The following ABHD6 variants were observed in gnomAD, a reference collection of about 807,000 sequenced individuals.
ABHD6 encodes the protein monoacylglycerol lipase ABHD6.
In ABHD6, 33 loss-of-function variants were observed where a neutral mutation model predicts 38.8. The observed-to-expected ratio is 0.85, with a 90% confidence interval of 0.64 to 1.14. The LOEUF (loss-of-function observed/expected upper bound fraction) is 1.14. ABHD6 is among the 50% of genes most tolerant of loss of function. The pLI, the probability that ABHD6 is intolerant of heterozygous loss-of-function variation, is 0.00. For missense variants in ABHD6, 380 were observed against 422.6 expected, an observed-to-expected ratio of 0.90 and a Z score of 0.88; for synonymous variants, 147 against 161.6, an observed-to-expected ratio of 0.91 and a Z score of 0.69.
At chr3:58,289,591 C>T (rs377765862) in intron 9 of ABHD6, among the ~76,000 whole-genome samples, 8 of 152,250 alleles carry the variant, frequency 5.3e-5, no homozygotes, top group African/African-American at 1.9e-4. Context: ...GCAGAAGAAT[C>T]TTTCTTAGTA....
chr3:58,278,399 T>C (rs1282127356), intron 7 of ABHD6, among the ~76,000 whole-genome samples: 3 of 152,230 alleles, frequency 2.0e-5, no homozygotes, highest in Admixed American at 1.3e-4. Context: ...GAGGTGTTTA[T>C]AGTATTCTCT....
chr3:58,244,099 C>A (rs1014368572), intron 1 of ABHD6, among the ~76,000 whole-genome samples: 2 of 152,184 alleles, frequency 1.3e-5, no homozygotes, highest in Non-Finnish European at 2.9e-5. Context: ...TTTGGCTCTG[C>A]GTCTCTGCCT....
At chr3:58,244,706 G>A (rs1559769437) in intron 1 of ABHD6, among the ~76,000 whole-genome samples, 1 of 151,916 alleles carries the variant, frequency 6.6e-6, no homozygotes, top group African/African-American at 2.4e-5. Context: ...CGAGGCTGCA[G>A]TGCGCCACTA....
At chr3:58,268,790 A>G (rs2097442769) in intron 4 of ABHD6, among the ~76,000 whole-genome samples, 1 of 152,242 alleles carries the variant, frequency 6.6e-6, no homozygotes, top group African/African-American at 2.4e-5. Context: ...ATCTAAATGG[A>G]AGAAGGTGTT....
chr3:58,281,927 T>A (rs2097453604), intron 7 of ABHD6, among the ~76,000 whole-genome samples: 1 of 151,778 alleles, frequency 6.6e-6, no homozygotes, highest in Non-Finnish European at 1.5e-5. Context: ...ACCAGCCTGG[T>A]CAACGTAGCG....
intron 6 of ABHD6, among the ~76,000 whole-genome samples, chr3:58,272,697 G>A (rs2097445908): frequency 1.3e-5 from 2 of 151,954 alleles, no homozygotes; most frequent in South Asian, 4.2e-4. Flanking sequence ...TTCAAGTATA[G>A]GTTCATTTGC....
chr3:58,247,356 G>A (rs987797148), intron 1 of ABHD6, among the ~76,000 whole-genome samples: 12 of 152,036 alleles, frequency 7.9e-5, no homozygotes, highest in African/African-American at 2.9e-4. Flanking sequence ...TGTGATAAGG[G>A]AAATGTTCTA....
At chr3:58,286,874 ATG>A (rs2097457788) in intron 9 of ABHD6, among the ~76,000 whole-genome samples, 12 of 134,778 alleles carry the variant, frequency 8.9e-5, no homozygotes, top group Non-Finnish European at 1.6e-4. Flanking sequence ...ATATATGTAT[ATG>A]TATATATAAG....
chr3:58,246,884 AG>A (rs368934040), intron 1 of ABHD6, among the ~76,000 whole-genome samples: 81 of 152,356 alleles, frequency 5.3e-4, no homozygotes, highest in African/African-American at 1.9e-3. Context: ...TGTGGGCAGT[AG>A]TCCGCCAGTC....
intron 9 of ABHD6, among the ~76,000 whole-genome samples, chr3:58,288,861 C>A (rs751157906): frequency 3.3e-5 from 5 of 152,274 alleles, no homozygotes; most frequent in Admixed American, 6.5e-5. Context: ...ATATTTTGTT[C>A]ATCATGTGCC....
chr3:58,290,017 C>T (rs1262976055), intron 9 of ABHD6, among the ~76,000 whole-genome samples: 12 of 139,300 alleles, frequency 8.6e-5, no homozygotes, highest in Admixed American at 5.5e-4. Flanking sequence ...CCCTCCCGGA[C>T]GGGGCGGCTG....
intron 3 of ABHD6, among the ~76,000 whole-genome samples, chr3:58,260,057 A>C (rs1271983815): frequency 6.6e-6 from 1 of 152,198 alleles, no homozygotes. Context: ...TCCATTGTGT[A>C]TATATACAGT....
At position 58,269,566 on chromosome 3, in the gene ABHD6, T is replaced by C; in HGVS notation, c.390+132T>C. The stretch of plus-strand genomic sequence containing the variant: ...TCCTGTACATTCTGTCTACAAGTGA[T>C]GGCAAGCCAAATGGCAACCTGATGA... On this transcript the variant is annotated intron_variant, in intron 5 of 9. Transcript: ENST00000478253. The surrounding 1 kb of genome is among the most constrained non-coding windows in gnomAD (Gnocchi z 4.4). The C allele has an allele frequency of 2.9e-6, 2 of 678,918 alleles. No individual in the cohort carries two copies. Among genetic ancestry groups the C allele is most frequent in the South Asian group, 2.0e-5 (1 of 50,870 alleles). 42.1% of individuals were successfully genotyped at this position (678,918 alleles called of 1,614,324 possible).
chr3:58,288,452 A>T (rs2097459094), intron 9 of ABHD6, among the ~76,000 whole-genome samples: 1 of 152,198 alleles, frequency 6.6e-6, no homozygotes, highest in African/African-American at 2.4e-5. Flanking sequence ...TGTTCAGTCC[A>T]TCAAAATGGG....
At chr3:58,291,334 T>C (rs931461423) in intron 9 of ABHD6, among the ~76,000 whole-genome samples, 2 of 151,590 alleles carry the variant, frequency 1.3e-5, no homozygotes, top group Non-Finnish European at 2.9e-5. Context: ...AGCAGTACAG[T>C]CCAGCTTCGG....
In ABHD6 at chr3:58,259,026, C is replaced by G. The variant is rs1166650506; in HGVS notation, c.119+2321C>G. Among the ~76,000 whole-genome samples the G allele has an allele frequency of 6.6e-6, 1 of 152,156 alleles. No individual in the cohort carries two copies. Among genetic ancestry groups the G allele is most frequent in the Non-Finnish European group, 1.5e-5 (1 of 68,038 alleles). On this transcript the variant is annotated intron_variant, in intron 3 of 9. Transcript: ENST00000478253. This position sits in a 1 kb window ranked among gnomAD's most constrained non-coding sequence, Gnocchi z 4.7. ...ACATGGAGAAGGCAGAGTTGCGTGC[C>G]CCTTCTCATGGCCTCGTCAAGGCAT... is the stretch of plus-strand genomic sequence containing the variant.
At chr3:58,278,742 C>G (rs928136795) in intron 7 of ABHD6, among the ~76,000 whole-genome samples, 4 of 152,278 alleles carry the variant, frequency 2.6e-5, no homozygotes, top group African/African-American at 9.6e-5. Flanking sequence ...GCATTTAGTG[C>G]TATAAATTTC....
In ABHD6 at chr3:58,257,647, G is replaced by A. The variant is rs776544241; in HGVS notation, c.119+942G>A. Among the ~76,000 whole-genome samples, 1 of 152,158 alleles carries A rather than the reference G, an allele frequency of 6.6e-6. No individual in the cohort carries two copies. The highest frequency in any genetic ancestry group is 1.9e-4 in the East Asian group (1 of 5,184). On this transcript the variant is annotated intron_variant, in intron 3 of 9. Transcript: ENST00000478253. This position sits in a 1 kb window ranked among gnomAD's most constrained non-coding sequence, Gnocchi z 4.8. ...CAAAGTGCTGGGATTACAGGTGTGA[G>A]CCACTGCGCCTGGCCTTCATCATTG...
intron 1 of ABHD6, among the ~76,000 whole-genome samples, chr3:58,244,373 CA>C (rs2097424890): frequency 6.6e-6 from 1 of 151,884 alleles, no homozygotes; most frequent in Non-Finnish European, 1.5e-5. Context: ...GATATTTTTG[CA>C]AAAATGGCTT....
Sources: gnomAD v4.1 joint callset for allele counts (sites outside exome capture counted in the v4.1 genomes callset) on GRCh38, gnomAD v4.1.1 for gene constraint, Gnocchi (gnomAD v3.1) non-coding constraint, MANE v1.5 for transcripts, NCBI Gene and HGNC (gene_info 2026-07-23, HGNC 2026-07-21) for gene names.